KCNMB4: variants seen among roughly 807,000 people sequenced by gnomAD.
KCNMB4 encodes the protein potassium calcium-activated channel subfamily M regulatory beta subunit 4, also known as calcium-activated potassium channel subunit beta-4.
KCNMB4 carries 3 observed loss-of-function variants against 20.7 expected under a neutral mutation model. That is an observed-to-expected ratio of 0.14 (90% CI 0.07 to 0.37). KCNMB4 has a LOEUF of 0.37. KCNMB4 is among the 10% of genes least tolerant of loss of function. The pLI is 1.00. For missense variants in KCNMB4, 168 were observed against 265.9 expected, an observed-to-expected ratio of 0.63 and a Z score of 2.56; for synonymous variants, 110 against 113.4, an observed-to-expected ratio of 0.97 and a Z score of 0.19.
intron 1 of KCNMB4, among the ~76,000 whole-genome samples, chr12:70,377,120 A>C (rs928467379): frequency 5.9e-5 from 9 of 152,196 alleles, no homozygotes; most frequent in African/African-American, 2.2e-4. Context: ...GTCTCTAGCA[A>C]AACCCCAGCT....
At chr12:70,404,272 A>G (rs1017824168) in intron 2 of KCNMB4, among the ~76,000 whole-genome samples, 2 of 152,086 alleles carry the variant, frequency 1.3e-5, no homozygotes, top group African/African-American at 4.8e-5. Context: ...GAAGACTGAC[A>G]TGAGTAGACC....
intron 1 of KCNMB4, among the ~76,000 whole-genome samples, chr12:70,398,745 C>T (rs560654782): frequency 4.3e-4 from 66 of 152,268 alleles, no homozygotes; most frequent in African/African-American, 1.4e-3. Flanking sequence ...CATTAGCAGA[C>T]ATAGTCATAA....
intron 2 of KCNMB4, among the ~76,000 whole-genome samples, chr12:70,424,442 GA>G (rs35459349): frequency 2.1e-4 from 29 of 135,728 alleles, no homozygotes; most frequent in Non-Finnish European, 3.0e-4. Context: ...CTCCATCTCA[GA>G]AAAAAAAAAA....
intron 1 of KCNMB4, among the ~76,000 whole-genome samples, chr12:70,370,771 C>CAAA (rs57014123): frequency 2.8e-5 from 4 of 141,580 alleles, no homozygotes; most frequent in Admixed American, 6.9e-5. Flanking sequence ...ATTGGATGGC[C>CAAA]AAAAAAAAAA....
chr12:70,421,014 T>C (rs1869037232), intron 2 of KCNMB4, among the ~76,000 whole-genome samples: 1 of 147,946 alleles, frequency 6.8e-6, no homozygotes, highest in South Asian at 2.1e-4. Flanking sequence ...ATAGCGCCAC[T>C]GCACTCCAGC....
At chr12:70,379,365 G>A (rs1314295137) in intron 1 of KCNMB4, among the ~76,000 whole-genome samples, 5 of 152,154 alleles carry the variant, frequency 3.3e-5, no homozygotes, top group African/African-American at 1.2e-4. Flanking sequence ...AATTATCTAA[G>A]CTAGATCTTC....
intron 2 of KCNMB4, among the ~76,000 whole-genome samples, chr12:70,414,070 A>G (rs1868854399): frequency 6.6e-6 from 1 of 152,082 alleles, no homozygotes; most frequent in African/African-American, 2.4e-5. Flanking sequence ...CATCTCTACC[A>G]AAAATACAAA....
At chr12:70,370,721 G>T (rs943313325) in intron 1 of KCNMB4, among the ~76,000 whole-genome samples, 1 of 148,946 alleles carries the variant, frequency 6.7e-6, no homozygotes, top group African/African-American at 2.5e-5. Flanking sequence ...TAAATGAAAT[G>T]AACTTGATTC....
At chr12:70,370,022 A>G (rs1316648046) in intron 1 of KCNMB4, among the ~76,000 whole-genome samples, 1 of 152,166 alleles carries the variant, frequency 6.6e-6, no homozygotes, top group Admixed American at 6.5e-5. Context: ...CTATGGCTGT[A>G]CCTTAGAATC....
chr12:70,424,890 T>G (rs1469530714), intron 2 of KCNMB4, among the ~76,000 whole-genome samples: 2 of 152,200 alleles, frequency 1.3e-5, no homozygotes, highest in Non-Finnish European at 2.9e-5. Flanking sequence ...GCTGCTCTCT[T>G]GGCAAGGTCT....
At chr12:70,426,357 ATAGC>A (rs57190501) in intron 2 of KCNMB4, among the ~76,000 whole-genome samples, 18,787 of 152,144 alleles carry the variant, frequency 0.12, 1,229 homozygotes, top group African/African-American at 0.15. Flanking sequence ...AGTTTGGGAA[ATAGC>A]TAGCTAAGTA....
chr12:70,419,449 G>T (rs1264107339), intron 2 of KCNMB4, among the ~76,000 whole-genome samples: 2 of 152,084 alleles, frequency 1.3e-5, no homozygotes, highest in Non-Finnish European at 2.9e-5. Context: ...GAAGTGAAAG[G>T]ATCAGAAATC....
intron 1 of KCNMB4, among the ~76,000 whole-genome samples, chr12:70,391,063 C>G (rs1868295001): frequency 6.6e-6 from 1 of 152,170 alleles, no homozygotes; most frequent in Non-Finnish European, 1.5e-5. Flanking sequence ...CTCACCCTTC[C>G]TCTAAGGAGC....
At position 70,385,203 on chromosome 12, in the gene KCNMB4, G is replaced by A. The variant is rs148138777; in HGVS notation, c.337-15006G>A. On this transcript the variant is annotated intron_variant, in intron 1 of 2. Transcript: ENST00000258111. ...TTCAACAAATGTTTATTGGGTATCT[G>A]CCATGTTACAGGCCCTATCCTAACT... Among the ~76,000 whole-genome samples the A allele has an allele frequency of 9.9e-3, 1,512 of 152,270 alleles. 14 individuals carry two copies. Among genetic ancestry groups the A allele is most frequent in the Non-Finnish European group, 0.014 (972 of 68,030 alleles).
Position 70,366,580 on chromosome 12 carries a change from T to C in KCNMB4, c.-155T>C. 3.1e-6 allele frequency: 1 copy of C among 322,732 alleles called. No homozygotes were observed. Among genetic ancestry groups the C allele is most frequent in the Non-Finnish European group, 4.8e-6 (1 of 206,466 alleles). The allele number at this position is 322,732 out of a possible 1,614,324, so 20.0% of individuals were successfully genotyped here. A position where few individuals can be genotyped will look rare whatever the true frequency, so the allele number is the denominator to read the frequency against. ...CGGGGGCGTCGCTGGCCTCGGCCCC[T>C]TTGTTCTCGCGCGCTCCCCCTCGCC... is the stretch of plus-strand genomic sequence containing the variant. On this transcript the variant is annotated 5_prime_UTR_variant, in exon 1 of 3. Coordinates refer to ENST00000258111, the MANE Select transcript of KCNMB4 (RefSeq NM_014505.6).
In KCNMB4 at chr12:70,434,172, A is replaced by C. The variant is rs944832148; in HGVS notation, c.*3519A>C. 11 of 152,202 alleles carry C rather than the reference A, an allele frequency of 7.2e-5. No homozygotes were observed. Among genetic ancestry groups the C allele is most frequent in the Non-Finnish European group, 1.2e-4 (8 of 68,086 alleles). The allele number at this position is 152,202 out of a possible 1,614,324, so 9.4% of individuals were successfully genotyped here. On this transcript the variant is annotated 3_prime_UTR_variant, in exon 3 of 3. Coordinates refer to ENST00000258111, the MANE Select transcript of KCNMB4 (RefSeq NM_014505.6). ...GCATGCATGCAGGAAGCTTCACCCC[A>C]GCCTCACACTCTAAGACGGATAAAA... is the stretch of plus-strand genomic sequence containing the variant.
At chr12:70,390,352 T>C (rs1227284296) in intron 1 of KCNMB4, among the ~76,000 whole-genome samples, 3 of 152,348 alleles carry the variant, frequency 2.0e-5, no homozygotes, top group African/African-American at 7.2e-5. Flanking sequence ...CTTTATGTTT[T>C]AGTGAGTCAA....
intron 2 of KCNMB4, among the ~76,000 whole-genome samples, chr12:70,401,163 C>T (rs917297234): frequency 1.3e-5 from 2 of 152,120 alleles, no homozygotes; most frequent in African/African-American, 2.4e-5. Flanking sequence ...GTAGCTGGGA[C>T]TACAGGCACA....
At chr12:70,376,056 A>G (rs893774513) in intron 1 of KCNMB4, among the ~76,000 whole-genome samples, 1 of 152,044 alleles carries the variant, frequency 6.6e-6, no homozygotes, top group African/African-American at 2.4e-5. Flanking sequence ...AAACCAATCA[A>G]TGTAATAGAT....
Sources: gnomAD v4.1 joint callset for allele counts (sites outside exome capture counted in the v4.1 genomes callset) on GRCh38, gnomAD v4.1.1 for gene constraint, MANE v1.5 for transcripts, NCBI Gene and HGNC (gene_info 2026-07-23, HGNC 2026-07-21) for gene names.